Variants in THAP2 observed in about 807,000 individuals in gnomAD.
The protein encoded by THAP2 is THAP domain-containing protein 2.
Under a neutral mutation model 18.8 loss-of-function variants are expected in THAP2, and 16 were observed. The observed-to-expected ratio is 0.85, with a 90% CI of 0.58 to 1.29. The LOEUF (loss-of-function observed/expected upper bound fraction) is 1.29. THAP2 is among the 50% of genes most tolerant of loss of function. THAP2 has a pLI of 0.00. For missense variants in THAP2, 251 were observed against 265.3 expected, an observed-to-expected ratio of 0.95 and a Z score of 0.38; for synonymous variants, 80 against 89.2, an observed-to-expected ratio of 0.90 and a Z score of 0.58.
chr12:71,677,368 T>C lies in THAP2; in HGVS notation c.*260T>C. The C allele has an allele frequency of 3.9e-6, 1 of 255,842 alleles. No homozygotes were observed. The highest frequency in any genetic ancestry group is 7.4e-6 in the Non-Finnish European group (1 of 135,068). The allele number at this position is 255,842 out of a possible 1,614,324, so 15.8% of individuals were successfully genotyped here. ...TGTGTTTGAAAGGTGTTTTTTGTTT[T>C]TGTCTTTTTAAACTACTGTTAAAAG... On this transcript the variant is annotated 3_prime_UTR_variant, in exon 3 of 3. Transcript: ENST00000308086.
At chr12:71,674,828 A>T (rs1475690935) in intron 2 of THAP2, among the ~76,000 whole-genome samples, 1 of 152,130 alleles carries the variant, frequency 6.6e-6, no homozygotes, top group East Asian at 1.9e-4. Flanking sequence ...GAGCTTGGGC[A>T]TTCAGGGTGG....
rs986665965 is a variant in THAP2, at chr12:71,677,315, C to T, written c.*207C>T. 5.8e-5 allele frequency: 24 copies of T among 410,650 alleles called. No individual in the cohort carries two copies. The highest frequency in any genetic ancestry group is 3.5e-4 in the African/African-American group (17 of 48,324). 25.4% of individuals were successfully genotyped at this position (410,650 alleles called of 1,614,324 possible). ...GTGGAAGTGCCTTACATTAGAATTA[C>T]GGACTTAAAAATTTTGCTAATAAAT... On this transcript the variant is annotated 3_prime_UTR_variant, in exon 3 of 3. Coordinates refer to ENST00000308086, the MANE Select transcript of THAP2 (RefSeq NM_031435.4).
At chr12:71,668,473 AGG>A (rs1010517396) in intron 1 of THAP2, among the ~76,000 whole-genome samples, 2 of 151,872 alleles carry the variant, frequency 1.3e-5, no homozygotes, top group African/African-American at 4.8e-5. Flanking sequence ...ATATGATAAA[AGG>A]AGACCTAAAA....
At chr12:71,672,506 A>C (rs1881458074) in intron 1 of THAP2, among the ~76,000 whole-genome samples, 1 of 152,146 alleles carries the variant, frequency 6.6e-6, no homozygotes, top group Non-Finnish European at 1.5e-5. Context: ...CCTGGAATAC[A>C]GGTATGGCTT....
chr12:71,677,095 G>A lies in THAP2; in HGVS notation c.674G>A (p.Ser225Asn), dbSNP rs1354758542. 1 of 1,583,340 alleles carries A rather than the reference G, an allele frequency of 6.3e-7. No homozygotes were observed. Among genetic ancestry groups the A allele is most frequent in the Admixed American group, 1.8e-5 (1 of 55,124 alleles). ...AGTCTAAATCTAAAACAGACCAAGA[G>A]TACCTTCATTTAAATTTAGCTTGCA... ...LLSLNLKQTK[S>N]TFI The change falls in exon 3 of 3, where the codon AGT (serine) becomes AAT (asparagine). Residue 225 changes from serine (S) to asparagine (N), a missense_variant. By Grantham distance (46) the Ser-to-Asn change is conservative. Transcript: ENST00000308086.
Position 71,677,372 on chromosome 12 carries a change from CT to C in THAP2, c.*269del. ...TTTGAAAGGTGTTTTTTGTTTTTGT[CT>C]TTTTAAACTACTGTTAAAAGAACAG... is the stretch of plus-strand genomic sequence containing the variant. On this transcript the variant is annotated 3_prime_UTR_variant, in exon 3 of 3. Transcript: ENST00000308086. 1 of 242,692 alleles carries C rather than the reference CT, an allele frequency of 4.1e-6. No individual in the cohort carries two copies. The highest frequency in any genetic ancestry group is 7.9e-6 in the Non-Finnish European group (1 of 126,214). The allele number at this position is 242,692 out of a possible 1,614,324, so 15.0% of individuals were successfully genotyped here.
chr12:71,676,822 C>CA lies in THAP2; in HGVS notation c.407dup (p.Arg137GlufsTer4). On this transcript the variant is annotated frameshift_variant, in exon 3 of 3. Transcript: ENST00000308086. LOFTEE classifies it high-confidence loss of function. ...TATGCCTTTAGGAATCCTATGGAGGCAAAAAAGAGGATCATTAAACTGGAA... is the reference window on the plus strand; with the variant it reads ...TATGCCTTTAGGAATCCTATGGAGGCAAAAAAAGAGGATCATTAAACTGGAA... 6.2e-7 allele frequency: 1 copy of CA among 1,612,818 alleles called. No individual in the cohort carries two copies. Among genetic ancestry groups the CA allele is most frequent in the Non-Finnish European group, 8.5e-7 (1 of 1,179,428 alleles).
At chr12:71,667,197 A>G (rs1881358348) in intron 1 of THAP2, among the ~76,000 whole-genome samples, 1 of 152,188 alleles carries the variant, frequency 6.6e-6, no homozygotes, top group East Asian at 1.9e-4. Flanking sequence ...TTTTCATGGT[A>G]TGTGATCATT....
chr12:71,672,741 A>T (rs941732456), intron 1 of THAP2, among the ~76,000 whole-genome samples: 10 of 152,062 alleles, frequency 6.6e-5, no homozygotes, highest in South Asian at 2.1e-4. Flanking sequence ...ATCTCAAGCA[A>T]TTCAACTTTT....
rs539914877 is a variant in THAP2, at chr12:71,674,451, T to G, written c.267+53T>G. On this transcript the variant is annotated intron_variant, in intron 2 of 2. Transcript: ENST00000308086. The stretch of plus-strand genomic sequence containing the variant: ...AAACCATTTTTAGAACTCATTCCTT[T>G]TTGTTTATGCAGTTATTAACTGAAA... The G allele has an allele frequency of 2.0e-6, 3 of 1,501,494 alleles. No homozygotes were observed. In the African/African-American group the frequency reaches 4.2e-5, roughly 21 times the overall value. The allele number at this position is 1,501,494 out of a possible 1,614,324, so 93.0% of individuals were successfully genotyped here.
chr12:71,678,700 G>A lies in THAP2; in HGVS notation c.*1592G>A, dbSNP rs1466111271. The A allele has an allele frequency of 6.6e-6, 1 of 152,028 alleles. No individual in the cohort carries two copies. The highest frequency in any genetic ancestry group is 1.5e-5 in the Non-Finnish European group (1 of 68,002). 9.4% of individuals were successfully genotyped at this position (152,028 alleles called of 1,614,324 possible). A position where few individuals can be genotyped will look rare whatever the true frequency, so the allele number is the denominator to read the frequency against. On this transcript the variant is annotated 3_prime_UTR_variant, in exon 3 of 3. Transcript: ENST00000308086. ...TTTCATTTTTTTGCTATTTAGGATT[G>A]CATTTGCTTGGCTCCTAGTAACAAT...
chr12:71,668,569 CTCTAT>C (rs1484766405), intron 1 of THAP2, among the ~76,000 whole-genome samples: 2 of 152,204 alleles, frequency 1.3e-5, no homozygotes, highest in Non-Finnish European at 2.9e-5. Context: ...ACAGTGGCCA[CTCTAT>C]TCTATTGCAT....
At chr12:71,664,925 A>G (rs951763294) in intron 1 of THAP2, 20 of 702,372 alleles carry the variant, frequency 2.8e-5, no homozygotes, top group Middle Eastern at 4.6e-4. Context: ...CCAATCAGCA[A>G]TCACCGTAAA....
At position 71,678,348 on chromosome 12, in the gene THAP2, T is replaced by C. The variant is rs1881552033; in HGVS notation, c.*1240T>C. The C allele has an allele frequency of 6.6e-6, 1 of 152,630 alleles. No homozygotes were observed. The allele number at this position is 152,630 out of a possible 1,614,324, so 9.5% of individuals were successfully genotyped here. On this transcript the variant is annotated 3_prime_UTR_variant, in exon 3 of 3. Coordinates refer to ENST00000308086, the MANE Select transcript of THAP2 (RefSeq NM_031435.4). ...ACCATAGTGCATAAGGGAAATTAAA[T>C]GTTCCCTATAGAAATATGTGTATGT...
Position 71,676,974 on chromosome 12 carries a change from G to C in THAP2, c.553G>C (p.Gly185Arg), listed in dbSNP as rs1424697056. The change falls in exon 3 of 3, where the codon GGT (glycine) becomes CGT (arginine). Residue 185 changes from glycine to arginine, a missense_variant. By Grantham distance (125) the Gly-to-Arg change is moderately radical. Coordinates refer to ENST00000308086, the MANE Select transcript of THAP2 (RefSeq NM_031435.4). ...NLEANSVLPK[G>R]TSEHMLPTAL... ...AGAAGCAAATAGTGTATTACCTAAA[G>C]GTACATCAGAACACATGTTACCAAC... is the stretch of plus-strand genomic sequence containing the variant. 3.1e-6 allele frequency: 5 copies of C among 1,613,612 alleles called. No individual in the cohort carries two copies. In the African/African-American group the frequency reaches 6.7e-5, roughly 22 times the overall value.
rs1283533610 is a variant in THAP2 at position 71,679,381 on chromosome 12, T to C, written c.*2273T>C. The C allele has an allele frequency of 6.6e-6, 1 of 152,152 alleles. No homozygotes were observed. The highest frequency in any genetic ancestry group is 1.5e-5 in the Non-Finnish European group (1 of 67,986). 9.4% of individuals were successfully genotyped at this position (152,152 alleles called of 1,614,324 possible). A position where few individuals can be genotyped will look rare whatever the true frequency, so the allele number is the denominator to read the frequency against. On this transcript the variant is annotated 3_prime_UTR_variant, in exon 3 of 3. Transcript: ENST00000308086. ...TTTATTAACATACATTTGTCTACCTTAAAACTAGCTTTATTCACAGAGAAA... is the reference window on the plus strand; with the variant it reads ...TTTATTAACATACATTTGTCTACCTCAAAACTAGCTTTATTCACAGAGAAA...
chr12:71,665,534 A>C (rs865871788), intron 1 of THAP2: 1 of 152,378 alleles, frequency 6.6e-6, no homozygotes, highest in Non-Finnish European at 1.5e-5. Context: ...ATTACCTGAC[A>C]TTGTGCTAAG....
rs1228339111 is a variant in THAP2 at position 71,678,051 on chromosome 12, G to A, written c.*943G>A. On this transcript the variant is annotated 3_prime_UTR_variant, in exon 3 of 3. Coordinates refer to ENST00000308086, the MANE Select transcript of THAP2 (RefSeq NM_031435.4). ...AAACCCACAGTAAAATTTAATCACA[G>A]GAAACTACTTATATCTTCACACTTT... The A allele has an allele frequency of 4.0e-5, 6 of 151,898 alleles. No individual in the cohort carries two copies. The highest frequency in any genetic ancestry group is 1.2e-4 in the African/African-American group (5 of 41,336). The allele number at this position is 151,898 out of a possible 1,614,324, so 9.4% of individuals were successfully genotyped here.
chr12:71,676,763 C>G lies in THAP2; in HGVS notation c.342C>G (p.Asn114Lys). 6.2e-7 allele frequency: 1 copy of G among 1,611,878 alleles called. No individual in the cohort carries two copies. The highest frequency in any genetic ancestry group is 1.1e-5 in the South Asian group (1 of 90,534). The part of the protein sequence containing the change: ...SPAGPSNLKS[N>K]ISSQQVLLEH... ...CTGGACCATCTAATTTAAAATCAAA[C>G]ATTAGTAGTCAGCAAGTACTACTTG... Residue 114 changes from asparagine to lysine, a missense_variant, in exon 3 of 3, where the codon AAC (asparagine) becomes AAG (lysine). By Grantham distance (94) the Asn-to-Lys change is moderately conservative. Transcript: ENST00000308086.
Sources: gnomAD v4.1 joint callset for allele counts (sites outside exome capture counted in the v4.1 genomes callset) on GRCh38, gnomAD v4.1.1 for gene constraint, MANE v1.5 for transcripts, NCBI Gene and HGNC (gene_info 2026-07-23, HGNC 2026-07-21) for gene names.